Variants in GABBR1 observed in about 807,000 individuals in gnomAD.
The protein encoded by GABBR1 is gamma-aminobutyric acid type B receptor subunit 1, also known as GABA-B receptor, R1 subunit.
GABBR1 carries 35 observed loss-of-function variants against 117.7 expected under a neutral mutation model. The ratio of observed to expected loss-of-function variants is 0.30; its 90% CI spans 0.23 to 0.39. The LOEUF is 0.39. Ranked by LOEUF, GABBR1 falls within the 10% of genes least tolerant of loss-of-function variation. The pLI, the probability that GABBR1 is intolerant of heterozygous loss-of-function variation, is 1.00. For synonymous variants in GABBR1, 442 were observed against 486.6 expected (o/e 0.91, Z 1.21); for missense variants, 709 against 1,241.8 (o/e 0.57, Z 6.45).
chr6:29,610,417 C>G (rs1762423699), intron 14 of GABBR1, among the ~76,000 whole-genome samples: 1 of 152,168 alleles, frequency 6.6e-6, no homozygotes, highest in Admixed American at 6.5e-5. Flanking sequence ...AACTGCACGT[C>G]TACCTCTAAA....
chr6:29,604,999 A>G lies in GABBR1; in HGVS notation c.2440-11T>C. 6.2e-7 allele frequency: 1 copy of G among 1,604,616 alleles called. No homozygotes were observed. Among genetic ancestry groups the G allele is most frequent in the Non-Finnish European group, 8.5e-7 (1 of 1,176,416 alleles). ...GATGAGGCACAGGACCTAGAGGGAA[A>G]GACACATTGAGGGAGTCTCAGGTCT... On this transcript the variant is annotated splice_polypyrimidine_tract_variant and intron_variant, in intron 20 of 22. Transcript: ENST00000377034. This position sits in a 1 kb window ranked among gnomAD's most constrained non-coding sequence, Gnocchi z 5.3.
At chr6:29,628,932 T>G in intron 5 of GABBR1, among the ~76,000 whole-genome samples, 155 bp downstream of exon 5, 1 of 137,646 alleles carries the variant, frequency 7.3e-6, no homozygotes, top group Non-Finnish European at 1.6e-5. Flanking sequence ...AGGAAACAGG[T>G]AGGGAGGGAA....
At chr6:29,612,295 G>A (rs1337980943) in intron 13 of GABBR1, among the ~76,000 whole-genome samples, 4 of 151,748 alleles carry the variant, frequency 2.6e-5, no homozygotes. Context: ...GGATTACAGG[G>A]GTGAGCCACC....
Position 29,602,964 on chromosome 6 carries a change from T to A in GABBR1, c.*579A>T, listed in dbSNP as rs1476651322. On this transcript the variant is annotated 3_prime_UTR_variant, in exon 23 of 23. Coordinates refer to ENST00000377034, the MANE Select transcript of GABBR1 (RefSeq NM_001470.4). ...GGGGAGGATGCATGTGTGCTGAGCG[T>A]GAGTGCACAGAGCAGAGGCAAGGAG... 2.2e-6 allele frequency: 1 copy of A among 456,000 alleles called. No individual in the cohort carries two copies. The highest frequency in any genetic ancestry group is 2.0e-5 in the African/African-American group (1 of 49,968). The allele number at this position is 456,000 out of a possible 1,614,324, so 28.2% of individuals were successfully genotyped here. A position where few individuals can be genotyped will look rare whatever the true frequency, so the allele number is the denominator to read the frequency against.
In GABBR1 at chr6:29,621,997, C is replaced by T; in HGVS notation, c.1065+107G>A. On this transcript the variant is annotated intron_variant, in intron 9 of 22. Transcript: ENST00000377034. This position sits in a 1 kb window ranked among gnomAD's most constrained non-coding sequence, Gnocchi z 5.0. ...TAAACTTCCCCAGGAGATGCTATTG[C>T]CTCAGAGAATCAAAACCTGCCCCCG... is the stretch of plus-strand genomic sequence containing the variant. The T allele has an allele frequency of 2.7e-6, 3 of 1,097,518 alleles. No individual in the cohort carries two copies. The highest frequency in any genetic ancestry group is 4.1e-6 in the Non-Finnish European group (3 of 729,352). 68.0% of individuals were successfully genotyped at this position (1,097,518 alleles called of 1,614,324 possible).
At position 29,605,409 on chromosome 6, in the gene GABBR1, C is replaced by A; in HGVS notation, c.2439+160G>T. On this transcript the variant is annotated intron_variant, in intron 20 of 22. Coordinates refer to ENST00000377034, the MANE Select transcript of GABBR1 (RefSeq NM_001470.4). The surrounding 1 kb of genome is among the most constrained non-coding windows in gnomAD (Gnocchi z 4.2). ...TTAATGATACAATGTCTGTAGTGAGCTTTGTAAACTGTAAAGTGCTTTATA... is the reference window on the plus strand; with the variant it reads ...TTAATGATACAATGTCTGTAGTGAGATTTGTAAACTGTAAAGTGCTTTATA... 1.2e-6 allele frequency: 1 copy of A among 811,770 alleles called. No individual in the cohort carries two copies. Among genetic ancestry groups the A allele is most frequent in the Non-Finnish European group, 2.0e-6 (1 of 508,128 alleles). 50.3% of individuals were successfully genotyped at this position (811,770 alleles called of 1,614,324 possible).
chr6:29,603,135 C>A lies in GABBR1; in HGVS notation c.*408G>T. 2.1e-6 allele frequency: 1 copy of A among 467,936 alleles called. No homozygotes were observed. Among genetic ancestry groups the A allele is most frequent in the Non-Finnish European group, 4.3e-6 (1 of 234,134 alleles). 29.0% of individuals were successfully genotyped at this position (467,936 alleles called of 1,614,324 possible). ...AGAGGCCCCTTTGGGGTGGAAAGAGCACTTGTTGGGAGACCCCTGCTGGAC... is the reference window on the plus strand; with the variant it reads ...AGAGGCCCCTTTGGGGTGGAAAGAGAACTTGTTGGGAGACCCCTGCTGGAC... On this transcript the variant is annotated 3_prime_UTR_variant, in exon 23 of 23. Transcript: ENST00000377034.
intron 11 of GABBR1, among the ~76,000 whole-genome samples, chr6:29,615,608 TTAA>T (rs1762999907): frequency 7.9e-6 from 1 of 126,968 alleles, no homozygotes; most frequent in South Asian, 2.9e-4. Context: ...GACTCTGCCT[TTAA>T]AAAAAAAAAA....
At position 29,632,548 on chromosome 6, in the gene GABBR1, G is replaced by C; in HGVS notation, c.1-163C>G. 1.1e-6 allele frequency: 1 copy of C among 889,652 alleles called. No homozygotes were observed. The highest frequency in any genetic ancestry group is 2.0e-5 in the South Asian group (1 of 48,834). 55.1% of individuals were successfully genotyped at this position (889,652 alleles called of 1,614,324 possible). The stretch of plus-strand genomic sequence containing the variant: ...GGAGGCGGGGGCGGAGCCCCGCGCG[G>C]GGTGGGGGGAGAGGAGGAGAGAAAG... On this transcript the variant is annotated intron_variant, in intron 1 of 22. Transcript: ENST00000377034. The surrounding 1 kb of genome is among the most constrained non-coding windows in gnomAD (Gnocchi z 5.8).
At position 29,611,082 on chromosome 6, in the gene GABBR1, G is replaced by A. The variant is rs1762492593; in HGVS notation, c.1631-81C>T. 9.1e-7 allele frequency: 1 copy of A among 1,101,896 alleles called. No individual in the cohort carries two copies. Among genetic ancestry groups the A allele is most frequent in the South Asian group, 1.3e-5 (1 of 79,222 alleles). The allele number at this position is 1,101,896 out of a possible 1,614,324, so 68.3% of individuals were successfully genotyped here. ...GCATTTTCAACTTCCCACTTCCCTA[G>A]AGCTTTGCATGGTTGTATCTGATTT... On this transcript the variant is annotated intron_variant, in intron 13 of 22. Coordinates refer to ENST00000377034, the MANE Select transcript of GABBR1 (RefSeq NM_001470.4). This position sits in a 1 kb window ranked among gnomAD's most constrained non-coding sequence, Gnocchi z 4.6.
chr6:29,630,432 T>G lies in GABBR1; in HGVS notation c.475+26A>C. 8.1e-6 allele frequency: 13 copies of G among 1,598,598 alleles called. No individual in the cohort carries two copies. Among genetic ancestry groups the G allele is most frequent in the Non-Finnish European group, 1.1e-5 (13 of 1,167,984 alleles). ...TCCTCACACAAGCGTCCTCATCAGC[T>G]GCATGCAGGCAGCTGTTCCCCTCAC... On this transcript the variant is annotated intron_variant, in intron 4 of 22. Transcript: ENST00000377034. The surrounding 1 kb of genome is among the most constrained non-coding windows in gnomAD (Gnocchi z 4.9).
At chr6:29,610,560 A>G (rs1762435507) in intron 14 of GABBR1, among the ~76,000 whole-genome samples, 1 of 152,162 alleles carries the variant, frequency 6.6e-6, no homozygotes, top group Admixed American at 6.5e-5. Flanking sequence ...AGACAGACAA[A>G]GAGACAGCTC....
In GABBR1 at chr6:29,627,285, C is replaced by T. The variant is rs1764370096; in HGVS notation, c.657+201G>A. Among the ~76,000 whole-genome samples, 1 of 152,152 alleles carries T rather than the reference C, an allele frequency of 6.6e-6. No individual in the cohort carries two copies. The highest frequency in any genetic ancestry group is 6.5e-5 in the Admixed American group (1 of 15,282). On this transcript the variant is annotated intron_variant, in intron 6 of 22. Transcript: ENST00000377034. This position sits in a 1 kb window ranked among gnomAD's most constrained non-coding sequence, Gnocchi z 4.4. ...GCAGCATGCTTAACCATCTTGAGCC[C>T]CTAGACCCTCATCTTGGACCTCCAG...
intron 11 of GABBR1, among the ~76,000 whole-genome samples, chr6:29,615,147 T>C (rs1171998600): frequency 6.6e-6 from 1 of 151,772 alleles, no homozygotes; most frequent in Non-Finnish European, 1.5e-5. Context: ...TAGCTGGGCA[T>C]GGTGGTGTGC....
chr6:29,612,260 C>T lies in GABBR1; in HGVS notation c.1630+291G>A, dbSNP rs565584910. On this transcript the variant is annotated intron_variant, in intron 13 of 22. Transcript: ENST00000377034. Reference sequence around the variant, plus strand: ...ACTCCTGACCATGATCATGATCTGCCTGCCTTGGCCTCCCAAAAGTGCTGG... The same window carrying T: ...ACTCCTGACCATGATCATGATCTGCTTGCCTTGGCCTCCCAAAAGTGCTGG... 3.9e-5 allele frequency among the ~76,000 whole-genome samples: 6 copies of T among 151,944 alleles called. No individual in the cohort carries two copies. The East Asian group carries it at 9.7e-4, about 24-fold the overall frequency.
At chr6:29,628,034 A>T in intron 5 of GABBR1, 1 of 1,122,006 alleles carries the variant, frequency 8.9e-7, no homozygotes, top group Non-Finnish European at 1.1e-6. Flanking sequence ...GGGGAGGAGG[A>T]GGAGCAGGAG....
intron 6 of GABBR1, chr6:29,624,271 T>C: frequency 2.5e-6 from 1 of 403,998 alleles, no homozygotes. Context: ...CACCCCTCCT[T>C]TGGTATTAAT....
chr6:29,627,882 G>A lies in GABBR1; in HGVS notation c.497-236C>T. On this transcript the variant is annotated intron_variant, in intron 5 of 22. Transcript: ENST00000377034. This position sits in a 1 kb window ranked among gnomAD's most constrained non-coding sequence, Gnocchi z 4.4. ...AGGGCTGCTAAGAGGGTGCCGGGGAGGCGCCTCCATCCCTGATTTTGTGGG... is the reference window on the plus strand; with the variant it reads ...AGGGCTGCTAAGAGGGTGCCGGGGAAGCGCCTCCATCCCTGATTTTGTGGG... 1 of 1,364,254 alleles carries A rather than the reference G, an allele frequency of 7.3e-7. No individual in the cohort carries two copies. Among genetic ancestry groups the A allele is most frequent in the Admixed American group, 3.9e-5 (1 of 25,792 alleles). The allele number at this position is 1,364,254 out of a possible 1,614,324, so 84.5% of individuals were successfully genotyped here. A position where few individuals can be genotyped will look rare whatever the true frequency, so the allele number is the denominator to read the frequency against.
At position 29,630,502 on chromosome 6, in the gene GABBR1, A is replaced by T; in HGVS notation, c.431T>A (p.Ile144Asn). 1.2e-6 allele frequency: 2 copies of T among 1,613,014 alleles called. No individual in the cohort carries two copies. Among genetic ancestry groups the T allele is most frequent in the Non-Finnish European group, 1.7e-6 (2 of 1,180,014 alleles). The change falls in exon 4 of 23, where the codon ATC becomes AAC. Residue 144 changes from isoleucine (I) to asparagine (N), a missense_variant. Physicochemically the swap from Ile to Asn is moderately radical, Grantham distance 149. Transcript: ENST00000377034. This position sits in a 1 kb window ranked among gnomAD's most constrained non-coding sequence, Gnocchi z 4.9. The part of the protein sequence containing the change: ...DFHLVGSSRS[I>N]CSQGQWSTPK... Reference sequence around the variant, plus strand: ...GGTGCTCCACTGGCCCTGACTACAGATGCTCCGGGAGCTGCCCACCAGATG... The same window carrying T: ...GGTGCTCCACTGGCCCTGACTACAGTTGCTCCGGGAGCTGCCCACCAGATG...
Sources: gnomAD v4.1 joint callset for allele counts (sites outside exome capture counted in the v4.1 genomes callset) on GRCh38, gnomAD v4.1.1 for gene constraint, Gnocchi (gnomAD v3.1) non-coding constraint, MANE v1.5 for transcripts, NCBI Gene and HGNC (gene_info 2026-07-23, HGNC 2026-07-21) for gene names.